The following P4HTM variants were observed in gnomAD, a reference collection of about 807,000 sequenced individuals.
P4HTM encodes transmembrane prolyl 4-hydroxylase.
Under a neutral mutation model 55.3 loss-of-function variants are expected in P4HTM, and 33 were observed. That is an observed-to-expected ratio of 0.60 (90% confidence interval 0.45 to 0.80). The LOEUF (loss-of-function observed/expected upper bound fraction) is 0.80, where lower values mean the gene tolerates loss of function less well. Among genes scored for constraint, P4HTM ranks in the 30% least tolerant of loss-of-function variants. The pLI, the probability that P4HTM is intolerant of heterozygous loss-of-function variation, is 0.00. For missense variants in P4HTM, 542 were observed against 696.5 expected (o/e 0.78, Z 2.50); for synonymous variants, 272 against 286.4 (o/e 0.95, Z 0.51).
chr3:49,004,930 T>C lies in P4HTM; in HGVS notation c.957T>C (p.Tyr319=), dbSNP rs528941770. 6.2e-7 allele frequency: 1 copy of C among 1,613,856 alleles called. No individual in the cohort carries two copies. The highest frequency in any genetic ancestry group is 2.2e-5 in the East Asian group (1 of 44,866). Residue 319 remains tyrosine, a synonymous_variant, in exon 6 of 9, where the codon TAT becomes TAC. Coordinates refer to ENST00000383729, the MANE Select transcript of P4HTM (RefSeq NM_177939.3). ...GCGAGCCGCTGCAGGTTGTTCGATA[T>C]GGTGAGGGGGGCCACTACCATGCCC... is the stretch of plus-strand genomic sequence containing the variant. ...ELSEPLQVVR[Y]GEGGHYHAHV... is the part of the protein sequence containing the mutation.
intron 2 of P4HTM, chr3:48,997,347 C>A (rs564630595): frequency 6.6e-6 from 1 of 152,370 alleles, no homozygotes; most frequent in Admixed American, 6.5e-5. Flanking sequence ...ACACATAGGT[C>A]CCTGTGTGCC....
chr3:48,990,416 G>T lies in P4HTM; in HGVS notation c.160G>T (p.Gly54Cys). ...GGTGCGTCCGCTGTGCAAGCCCCGC[G>T]GCATCTGCTCGCGCGCCTACTTCCT... is the stretch of plus-strand genomic sequence containing the variant. Reference protein sequence around the residue: ...APVRPLCKPRGICSRAYFLVL... With the variant: ...APVRPLCKPRCICSRAYFLVL... The change falls in exon 1 of 9, where the codon GGC becomes TGC. Residue 54 changes from glycine (G) to cysteine (C), a missense_variant. Physicochemically the swap from Gly to Cys is radical, Grantham distance 159 (BLOSUM62 -3). Transcript: ENST00000383729. This position sits in a 1 kb window ranked among gnomAD's most constrained non-coding sequence, Gnocchi z 7.2. The T allele has an allele frequency of 6.2e-7, 1 of 1,603,600 alleles. No homozygotes were observed. The highest frequency in any genetic ancestry group is 2.2e-5 in the East Asian group (1 of 44,546).
Position 48,990,400 on chromosome 3 carries a change from G to T in P4HTM, c.144G>T (p.Pro48=). The change falls in exon 1 of 9, where the codon CCG becomes CCT. Residue 48 remains proline, a synonymous_variant. Coordinates refer to ENST00000383729, the MANE Select transcript of P4HTM (RefSeq NM_177939.3). The surrounding 1 kb of genome is among the most constrained non-coding windows in gnomAD (Gnocchi z 7.2). The stretch of plus-strand genomic sequence containing the variant: ...ACGGCGAGGACGCACCGGTGCGTCC[G>T]CTGTGCAAGCCCCGCGGCATCTGCT... ...LGDGEDAPVR[P]LCKPRGICSR... 3 of 1,597,222 alleles carry T rather than the reference G, an allele frequency of 1.9e-6. No individual in the cohort carries two copies. The highest frequency in any genetic ancestry group is 1.3e-5 in the African/African-American group (1 of 74,222).
At chr3:48,998,849 C>T (rs1310733240) in intron 2 of P4HTM, among the ~76,000 whole-genome samples, 1 of 152,152 alleles carries the variant, frequency 6.6e-6, no homozygotes, top group East Asian at 1.9e-4. Flanking sequence ...GAGGAAACAG[C>T]CTTGGGATCT....
rs912489757 is a variant in P4HTM, at chr3:49,004,389, A to G, written c.887+129A>G. 3.0e-6 allele frequency: 3 copies of G among 1,010,464 alleles called. No individual in the cohort carries two copies. In the African/African-American group the frequency reaches 4.9e-5, roughly 16 times the overall value. 62.6% of individuals were successfully genotyped at this position (1,010,464 alleles called of 1,614,324 possible). ...TTTGGGATTAAGTTCCATTTGTTAG[A>G]CCAGGATTGGGACCCACTGAAAGAC... On this transcript the variant is annotated intron_variant, in intron 5 of 8. Transcript: ENST00000383729.
intron 2 of P4HTM, chr3:49,001,193 G>C: frequency 1.8e-6 from 1 of 541,700 alleles, no homozygotes; most frequent in Non-Finnish European, 3.4e-6. Context: ...ACCTCCCAGG[G>C]CTCTCCTGGA....
At chr3:49,000,182 G>A (rs1228478479) in intron 2 of P4HTM, among the ~76,000 whole-genome samples, 2 of 152,184 alleles carry the variant, frequency 1.3e-5, no homozygotes, top group Non-Finnish European at 1.5e-5. Flanking sequence ...AGGAGTTGAT[G>A]TGTATGAAGT....
chr3:49,001,420 C>T lies in P4HTM; in HGVS notation c.437-18C>T, dbSNP rs149397788. The stretch of plus-strand genomic sequence containing the variant: ...CCCTGGCTCAGTCCTTGGCCTCACC[C>T]ACCTCCTCTTCTGGCAGAAATCCCC... On this transcript the variant is annotated intron_variant, in intron 2 of 8. Transcript: ENST00000383729. 9 of 1,613,352 alleles carry T rather than the reference C, an allele frequency of 5.6e-6. No homozygotes were observed. In the Admixed American group the frequency reaches 1.5e-4, roughly 27 times the overall value.
chr3:49,006,479 C>T (rs2092982219), intron 8 of P4HTM, among the ~76,000 whole-genome samples: 1 of 152,194 alleles, frequency 6.6e-6, no homozygotes, highest in Non-Finnish European at 1.5e-5. Context: ...TGGACAGGCC[C>T]AACAGCAAGA....
At position 48,990,395 on chromosome 3, in the gene P4HTM, C is replaced by G. The variant is rs1316631077; in HGVS notation, c.139C>G (p.Arg47Gly). Residue 47 changes from arginine to glycine, a missense_variant, in exon 1 of 9, where the codon CGT becomes GGT. By Grantham distance (125) the Arg-to-Gly change is moderately radical (BLOSUM62 -2). Around this residue, in one of 2 missense-constraint regions of P4HTM, gnomAD observed 536 missense variants for 672.1 expected, o/e 0.80. Transcript: ENST00000383729. This position sits in a 1 kb window ranked among gnomAD's most constrained non-coding sequence, Gnocchi z 7.2. ...GLGDGEDAPV[R>G]PLCKPRGICS... Reference sequence around the variant, plus strand: ...GGGCGACGGCGAGGACGCACCGGTGCGTCCGCTGTGCAAGCCCCGCGGCAT... The same window carrying G: ...GGGCGACGGCGAGGACGCACCGGTGGGTCCGCTGTGCAAGCCCCGCGGCAT... 2 of 1,594,152 alleles carry G rather than the reference C, an allele frequency of 1.3e-6. No individual in the cohort carries two copies. The highest frequency in any genetic ancestry group is 2.7e-5 in the African/African-American group (2 of 73,964).
At chr3:49,001,840 G>A (rs571477998) in intron 3 of P4HTM, among the ~76,000 whole-genome samples, 3 of 152,362 alleles carry the variant, frequency 2.0e-5, no homozygotes, top group Non-Finnish European at 4.4e-5. Flanking sequence ...GAATCCACCT[G>A]GGGGTGATGG....
At position 48,990,271 on chromosome 3, in the gene P4HTM, G is replaced by A; in HGVS notation, c.15G>A (p.Ala5=). The change falls in exon 1 of 9, where the codon GCG becomes GCA. Residue 5 remains alanine, a synonymous_variant. Coordinates refer to ENST00000383729, the MANE Select transcript of P4HTM (RefSeq NM_177939.3). The surrounding 1 kb of genome is among the most constrained non-coding windows in gnomAD (Gnocchi z 7.2). The stretch of plus-strand genomic sequence containing the variant: ...ACCTGGGTGCCATGGCGGCAGCGGC[G>A]GTGACAGGCCAGCGGCCTGAGACCG... MAAA[A]VTGQRPETAA... is the part of the protein sequence containing the mutation. 1 of 1,221,558 alleles carries A rather than the reference G, an allele frequency of 8.2e-7. No individual in the cohort carries two copies. 75.7% of individuals were successfully genotyped at this position (1,221,558 alleles called of 1,614,324 possible).
At chr3:48,995,744 C>G (rs920553457) in intron 2 of P4HTM, among the ~76,000 whole-genome samples, 1 of 152,168 alleles carries the variant, frequency 6.6e-6, no homozygotes, top group African/African-American at 2.4e-5. Context: ...TGCCACCATG[C>G]CCAGCTAATT....
chr3:48,991,342 AC>A lies in P4HTM; in HGVS notation c.436+435del, dbSNP rs754065729. 13 of 160,404 alleles carry A rather than the reference AC, an allele frequency of 8.1e-5. 1 individual carries two copies. The East Asian group carries it at 2.2e-3, about 27-fold the overall frequency. 9.9% of individuals were successfully genotyped at this position (160,404 alleles called of 1,614,324 possible). ...GCCGTCCAAATGTAGATAAACTGGT[AC>A]CCCCCCAGCCTCCTCCACTGGAGTA... On this transcript the variant is annotated intron_variant, in intron 2 of 8. Transcript: ENST00000383729.
At chr3:49,000,575 T>C (rs146535205) in intron 2 of P4HTM, among the ~76,000 whole-genome samples, 2,050 of 152,124 alleles carry the variant, frequency 0.013, 28 homozygotes, top group Non-Finnish European at 0.02. Context: ...TGAAGACCGC[T>C]CTCCCAGGAA....
intron 2 of P4HTM, among the ~76,000 whole-genome samples, chr3:48,992,921 C>T (rs2092934986): frequency 3.3e-5 from 5 of 151,862 alleles, no homozygotes; most frequent in Admixed American, 3.3e-4. Flanking sequence ...CCCTCCTCAG[C>T]CTCCCAAAGT....
At position 48,990,651 on chromosome 3, in the gene P4HTM, G is replaced by A. The variant is rs568642073; in HGVS notation, c.354+41G>A. ...CCCCGCCGCGCTCCAGGCCCTGCAC[G>A]GCTGAGCCCGAGAGGACCGGCGCTC... On this transcript the variant is annotated intron_variant, in intron 1 of 8. Coordinates refer to ENST00000383729, the MANE Select transcript of P4HTM (RefSeq NM_177939.3). The surrounding 1 kb of genome is among the most constrained non-coding windows in gnomAD (Gnocchi z 7.2). The A allele has an allele frequency of 4.1e-4, 617 of 1,500,280 alleles. 2 individuals are homozygous for A. Among genetic ancestry groups the A allele is most frequent in the Non-Finnish European group, 4.8e-4 (539 of 1,123,844 alleles). The allele number at this position is 1,500,280 out of a possible 1,614,324, so 92.9% of individuals were successfully genotyped here. A position where few individuals can be genotyped will look rare whatever the true frequency, so the allele number is the denominator to read the frequency against.
intron 4 of P4HTM, chr3:49,003,029 A>G (rs6772452): frequency 0.77 from 253,530 of 329,554 alleles, 99,577 homozygotes; most frequent in East Asian, 0.98. Context: ...TCTAAGTGAG[A>G]TCTCCCTTGC....
chr3:49,004,238 A>G lies in P4HTM; in HGVS notation c.865A>G (p.Ile289Val), dbSNP rs1296870860. Reference sequence around the variant, plus strand: ...CTACCAGGGTGAGGGTGCCCACCACATCATGCGTGCCATCCGCCAGAGGTG... The same window carrying G: ...CTACCAGGGTGAGGGTGCCCACCACGTCATGCGTGCCATCCGCCAGAGGTG... Reference protein sequence around the residue: ...WLYQGEGAHHIMRAIRQRVLR... With the variant: ...WLYQGEGAHHVMRAIRQRVLR... Residue 289 changes from isoleucine (I) to valine (V), a missense_variant, in exon 5 of 9, where the codon ATC becomes GTC. Transcript: ENST00000383729. The G allele has an allele frequency of 3.2e-6, 5 of 1,548,482 alleles. No individual in the cohort carries two copies. In the African/African-American group the frequency reaches 6.9e-5, roughly 21 times the overall value.
Sources: allele counts gnomAD v4.1 joint callset (sites outside exome capture counted in the v4.1 genomes callset), GRCh38; gene constraint gnomAD v4.1.1; regional missense constraint gnomAD v4.1.1; non-coding constraint Gnocchi (gnomAD v3.1); transcripts MANE v1.5; gene names NCBI Gene and HGNC (gene_info 2026-07-23, HGNC 2026-07-21).